MMEL1: variants seen among roughly 807,000 people sequenced by gnomAD.
The protein encoded by MMEL1 is membrane metalloendopeptidase like 1, also known as membrane metallo-endopeptidase-like 1.
Under a neutral mutation model 117.1 loss-of-function variants are expected in MMEL1, and 98 were observed. The ratio of observed to expected loss-of-function variants is 0.84; its 90% CI spans 0.71 to 0.99. The LOEUF (loss-of-function observed/expected upper bound fraction) is 0.99. Ranked by LOEUF, MMEL1 falls within the 50% of genes least tolerant of loss-of-function variation. MMEL1 has a pLI of 0.00. For synonymous variants in MMEL1, 390 were observed against 415.1 expected (o/e 0.94, Z 0.74); for missense variants, 1,014 against 1,049.1 (o/e 0.97, Z 0.46).
At chr1:2,592,215 G>A (rs1444194520) in intron 21 of MMEL1, among the ~76,000 whole-genome samples, 188 bp from the exon 22 acceptor site, 1 of 81,982 alleles carries the variant, frequency 1.2e-5, no homozygotes, top group Non-Finnish European at 2.2e-5. Flanking sequence ...CCCTGAGCTG[G>A]GCCCTCGGGG....
At chr1:2,623,629 G>A (rs963760414) in intron 2 of MMEL1, among the ~76,000 whole-genome samples, 2 of 152,228 alleles carry the variant, frequency 1.3e-5, no homozygotes, top group Admixed American at 6.5e-5. Flanking sequence ...TGCTACATGA[G>A]TTTGGAGTAG....
At position 2,607,398 on chromosome 1, in the gene MMEL1, C is replaced by T. The variant is rs529050417; in HGVS notation, c.536-329G>A. Among the ~76,000 whole-genome samples, 16 of 143,982 alleles carry T rather than the reference C, an allele frequency of 1.1e-4. No individual in the cohort carries two copies. In the East Asian group the frequency reaches 2.1e-3, roughly 19 times the overall value. 94.5% of individuals were successfully genotyped at this position (143,982 alleles called of 152,430 possible). Reference sequence around the variant, plus strand: ...TGGGGCCTGGGAGCCGGCCAGCAGGCGAGGAGCCTGGGAGAGGAGAGGAGG... The same window carrying T: ...TGGGGCCTGGGAGCCGGCCAGCAGGTGAGGAGCCTGGGAGAGGAGAGGAGG... On this transcript the variant is annotated intron_variant, in intron 6 of 23. Coordinates refer to ENST00000378412, the MANE Select transcript of MMEL1 (RefSeq NM_033467.4).
intron 2 of MMEL1, among the ~76,000 whole-genome samples, chr1:2,622,207 C>T (rs1052379603): frequency 3.3e-5 from 5 of 152,184 alleles, no homozygotes; most frequent in African/African-American, 1.2e-4. Flanking sequence ...TAACAATTTC[C>T]CCAGGTGATT....
intron 4 of MMEL1, 78 bp from the exon 5 acceptor site, chr1:2,609,909 T>C: frequency 6.7e-7 from 1 of 1,482,682 alleles, no homozygotes; most frequent in Non-Finnish European, 9.1e-7. Context: ...TGTCTCCCGG[T>C]CCAAGACACA....
In MMEL1 at chr1:2,599,536, C is replaced by G. The variant is rs1644897397; in HGVS notation, c.1042-746G>C. On this transcript the variant is annotated intron_variant, in intron 11 of 23. Coordinates refer to ENST00000378412, the MANE Select transcript of MMEL1 (RefSeq NM_033467.4). Reference sequence around the variant, plus strand: ...AAAAGCATTTGATAAAATCTGCCATCTATTCATAATAAAAACTCTTGGCAA... The same window carrying G: ...AAAAGCATTTGATAAAATCTGCCATGTATTCATAATAAAAACTCTTGGCAA... Among the ~76,000 whole-genome samples, 3 of 152,318 alleles carry G rather than the reference C, an allele frequency of 2.0e-5. 1 individual carries two copies. In the East Asian group the frequency reaches 5.8e-4, roughly 29 times the overall value.
intron 1 of MMEL1, among the ~76,000 whole-genome samples, chr1:2,630,702 T>C (rs1638518997): frequency 6.6e-6 from 1 of 151,004 alleles, no homozygotes; most frequent in Non-Finnish European, 1.5e-5. Context: ...CACTCGTGTG[T>C]GCACGTGTGT....
intron 2 of MMEL1, among the ~76,000 whole-genome samples, chr1:2,627,527 G>A (rs1423096102): frequency 2.0e-5 from 3 of 152,122 alleles, no homozygotes; most frequent in Admixed American, 6.6e-5. Context: ...TTATAAAATC[G>A]ATCAAGTGTT....
At chr1:2,594,566 A>G in intron 17 of MMEL1, 123 bp from the exon 18 acceptor site, 2 of 1,244,804 alleles carry the variant, frequency 1.6e-6, no homozygotes. Flanking sequence ...GGCCTATCCC[A>G]AGATCTGGTT....
intron 6 of MMEL1, among the ~76,000 whole-genome samples, chr1:2,608,908 CAT>C (rs1302893886): frequency 1.3e-5 from 2 of 151,994 alleles, no homozygotes; most frequent in Admixed American, 1.3e-4. Flanking sequence ...TGCATGAACA[CAT>C]ATATACACAT....
rs1644665853 is a variant in MMEL1, at chr1:2,590,676, G to A, written c.*314C>T. On this transcript the variant is annotated 3_prime_UTR_variant, in exon 24 of 24. Transcript: ENST00000378412. ...ATTTACTTAGCTCAAGTCTGAAGCTGTAGATACTGGAAGACAATGCACCTT... is the reference window on the plus strand; with the variant it reads ...ATTTACTTAGCTCAAGTCTGAAGCTATAGATACTGGAAGACAATGCACCTT... 3 of 337,204 alleles carry A rather than the reference G, an allele frequency of 8.9e-6. No homozygotes were observed. Among genetic ancestry groups the A allele is most frequent in the South Asian group, 1.5e-4 (1 of 6,548 alleles). The allele number at this position is 337,204 out of a possible 1,614,324, so 20.9% of individuals were successfully genotyped here.
intron 2 of MMEL1, among the ~76,000 whole-genome samples, chr1:2,620,178 G>A (rs1645268736): frequency 6.6e-6 from 1 of 152,156 alleles, no homozygotes; most frequent in African/African-American, 2.4e-5. Context: ...AAGGAGAAAA[G>A]ATTGTTCACC....
At chr1:2,611,988 C>T in intron 3 of MMEL1, 139 bp downstream of exon 3, 4 of 743,544 alleles carry the variant, frequency 5.4e-6, no homozygotes, top group Middle Eastern at 2.5e-4. Context: ...GTCCCTGCCA[C>T]TGTCCTCTCC....
intron 22 of MMEL1, 45 bp from the exon 23 acceptor site, chr1:2,591,678 G>A (rs746118570): frequency 7.0e-7 from 1 of 1,436,378 alleles, no homozygotes. Flanking sequence ...GTGGTGGGGT[G>A]GCCAGGAGGG....
At chr1:2,619,752 T>C (rs1382029083) in intron 2 of MMEL1, among the ~76,000 whole-genome samples, 1 of 150,816 alleles carries the variant, frequency 6.6e-6, no homozygotes, top group East Asian at 1.9e-4. Context: ...TAAAACCACG[T>C]AGTTGTTGAG....
chr1:2,603,680 A>T (rs1482106913), intron 11 of MMEL1, among the ~76,000 whole-genome samples: 1 of 152,152 alleles, frequency 6.6e-6, no homozygotes, highest in African/African-American at 2.4e-5. Flanking sequence ...CACAGTTGGC[A>T]CTGCTGTCCC....
chr1:2,607,150 G>A, intron 6 of MMEL1, 81 bp from the exon 7 acceptor site: 2 of 1,303,552 alleles, frequency 1.5e-6, no homozygotes, highest in Non-Finnish European at 2.2e-6. Context: ...GGCGCCGTTG[G>A]CCGGCGTCAC....
At chr1:2,605,462 T>C in intron 9 of MMEL1, 96 bp downstream of exon 9, 1 of 1,077,626 alleles carries the variant, frequency 9.3e-7, no homozygotes, top group African/African-American at 1.5e-5. Context: ...AACACCAGCT[T>C]CGGGGAGGGA....
In MMEL1 at chr1:2,595,043, C is replaced by A; in HGVS notation, c.1585-150G>T. 1.4e-6 allele frequency: 1 copy of A among 728,404 alleles called. No homozygotes were observed. The highest frequency in any genetic ancestry group is 2.3e-6 in the Non-Finnish European group (1 of 431,916). The allele number at this position is 728,404 out of a possible 1,614,324, so 45.1% of individuals were successfully genotyped here. A position where few individuals can be genotyped will look rare whatever the true frequency, so the allele number is the denominator to read the frequency against. ...CTGTGGGTGCAGGTGAACGGGGCAG[C>A]CCTGGCTGTGGGCATTTACATGACT... On this transcript the variant is annotated intron_variant, in intron 16 of 23. Transcript: ENST00000378412. This position sits in a 1 kb window ranked among gnomAD's most constrained non-coding sequence, Gnocchi z 4.8.
At chr1:2,620,503 C>T (rs1411196172) in intron 2 of MMEL1, among the ~76,000 whole-genome samples, 1 of 152,120 alleles carries the variant, frequency 6.6e-6, no homozygotes, top group Non-Finnish European at 1.5e-5. Flanking sequence ...TCCCGGGTTT[C>T]ACTGTTTGGG....
Sources: allele counts gnomAD v4.1 joint callset (sites outside exome capture counted in the v4.1 genomes callset), GRCh38; gene constraint gnomAD v4.1.1; non-coding constraint Gnocchi (gnomAD v3.1); transcripts MANE v1.5; gene names NCBI Gene and HGNC (gene_info 2026-07-23, HGNC 2026-07-21).